Variants in CSMD2 observed in about 807,000 individuals in gnomAD.
CSMD2 encodes the protein CUB and sushi domain-containing protein 2.
CSMD2 carries 130 observed loss-of-function variants against 398.5 expected under a neutral mutation model. The observed-to-expected ratio is 0.33, with a 90% CI of 0.28 to 0.38. The LOEUF is 0.38. Ranked by LOEUF, CSMD2 falls within the 10% of genes least tolerant of loss-of-function variation. The probability of loss-of-function intolerance (pLI) is 1.00; values close to 1 mark genes in which losing one functional copy is unlikely to be tolerated. For missense variants in CSMD2, 3,829 were observed against 4,764.9 expected (o/e 0.80, Z 5.78); for synonymous variants, 1,828 against 1,908.5 (o/e 0.96, Z 1.10).
intron 6 of CSMD2, among the ~76,000 whole-genome samples, chr1:33,833,181 G>T (rs572708315): frequency 1.6e-5 from 2 of 124,734 alleles, no homozygotes; most frequent in African/African-American, 6.6e-5. Context: ...TACCAAAGCC[G>T]GGCAGAGACA....
chr1:33,784,196 G>A (rs546107258), intron 12 of CSMD2, among the ~76,000 whole-genome samples: 31 of 152,360 alleles, frequency 2.0e-4, no homozygotes, highest in Non-Finnish European at 1.3e-4. Context: ...TAAGAGGACT[G>A]AAGGCTGAGG....
chr1:33,601,715 C>T (rs1476473504), intron 43 of CSMD2, among the ~76,000 whole-genome samples: 1 of 152,206 alleles, frequency 6.6e-6, no homozygotes, highest in Admixed American at 6.5e-5. Flanking sequence ...AATTTGTATT[C>T]CCAATGTAAA....
Position 33,586,614 on chromosome 1 carries a change from T to A in CSMD2, c.6941A>T (p.Asp2314Val). Residue 2314 changes from aspartate (D) to valine (V), a missense_variant, in exon 46 of 71, where the codon GAC becomes GTC. Around this residue, in one of 5 missense-constraint regions of CSMD2, gnomAD observed 723 missense variants for 758.6 expected, o/e 0.95. Transcript: ENST00000373381. ...VTENEEFNIG[D>V]IVRYRCLPGF... is the part of the protein sequence containing the mutation. ...AGGGAGGCATCTGTAGCGTACGATG[T>A]CACCTGTCAAAGAAAGACCAACATG... 1.2e-6 allele frequency: 2 copies of A among 1,606,836 alleles called. No individual in the cohort carries two copies. Among genetic ancestry groups the A allele is most frequent in the Non-Finnish European group, 1.7e-6 (2 of 1,173,608 alleles).
chr1:33,873,145 C>A (rs572907821), intron 5 of CSMD2, among the ~76,000 whole-genome samples: 1 of 152,300 alleles, frequency 6.6e-6, no homozygotes, highest in African/African-American at 2.4e-5. Context: ...TACCCAAGAG[C>A]CTCATCCACA....
At chr1:33,832,064 G>C (rs534011712) in intron 6 of CSMD2, among the ~76,000 whole-genome samples, 47 of 147,462 alleles carry the variant, frequency 3.2e-4, no homozygotes, top group African/African-American at 1.2e-3. Flanking sequence ...ATAATAATGG[G>C]AGACTTTAAC....
intron 12 of CSMD2, among the ~76,000 whole-genome samples, chr1:33,775,077 A>G (rs1203364235): frequency 6.6e-6 from 1 of 152,248 alleles, no homozygotes; most frequent in Non-Finnish European, 1.5e-5. Flanking sequence ...TAGGGTGTGG[A>G]GAATGGAAGT....
chr1:34,111,226 A>T (rs576558654), intron 1 of CSMD2, among the ~76,000 whole-genome samples: 1 of 152,228 alleles, frequency 6.6e-6, no homozygotes, highest in South Asian at 2.1e-4. Flanking sequence ...TTACAAAAGT[A>T]CAATTCATAT....
At chr1:33,886,258 G>A (rs920725766) in intron 5 of CSMD2, among the ~76,000 whole-genome samples, 1 of 152,096 alleles carries the variant, frequency 6.6e-6, no homozygotes, top group African/African-American at 2.4e-5. Context: ...GGTTTAGAAA[G>A]GTCACACTGG....
intron 6 of CSMD2, among the ~76,000 whole-genome samples, chr1:33,846,173 T>C (rs1466575418): frequency 6.6e-6 from 1 of 152,228 alleles, no homozygotes; most frequent in African/African-American, 2.4e-5. Context: ...GACAGCTCCT[T>C]GCTTCTGGGT....
intron 2 of CSMD2, among the ~76,000 whole-genome samples, chr1:34,051,431 G>A (rs1297389233): frequency 6.6e-6 from 1 of 151,974 alleles, no homozygotes; most frequent in African/African-American, 2.4e-5. Context: ...GTGTTTGCAT[G>A]TGTATATAAG....
intron 1 of CSMD2, among the ~76,000 whole-genome samples, chr1:34,121,029 G>A (rs554224434): frequency 5.9e-5 from 9 of 152,212 alleles, no homozygotes; most frequent in Non-Finnish European, 1.2e-4. Flanking sequence ...AACCAGACAT[G>A]CAGACTCCCA....
At chr1:33,728,052 C>T (rs545192588) in intron 15 of CSMD2, among the ~76,000 whole-genome samples, 13 of 152,268 alleles carry the variant, frequency 8.5e-5, no homozygotes, top group East Asian at 7.7e-4. Flanking sequence ...CTGAGGCTTA[C>T]GGAGGTTGAG....
At chr1:33,816,566 G>T (rs76531509) in intron 9 of CSMD2, among the ~76,000 whole-genome samples, 3,846 of 152,304 alleles carry the variant, frequency 0.025, 163 homozygotes, top group African/African-American at 0.088. Flanking sequence ...GGCTCCATAT[G>T]TAAAATAAGT....
intron 26 of CSMD2, 95 bp from the exon 27 acceptor site, chr1:33,658,232 G>T: frequency 9.4e-7 from 1 of 1,065,950 alleles, no homozygotes; most frequent in Non-Finnish European, 1.4e-6. Flanking sequence ...GCCATCATCC[G>T]TGCATTGCCA....
intron 3 of CSMD2, among the ~76,000 whole-genome samples, chr1:33,987,290 A>T (rs1425624827): frequency 6.6e-6 from 1 of 152,176 alleles, no homozygotes; most frequent in Non-Finnish European, 1.5e-5. Flanking sequence ...ACTAACATTT[A>T]CCAATCACAT....
At chr1:33,799,134 A>G (rs1257674683) in intron 10 of CSMD2, among the ~76,000 whole-genome samples, 2 of 152,222 alleles carry the variant, frequency 1.3e-5, no homozygotes, top group East Asian at 1.9e-4. Flanking sequence ...AATCTGTCCT[A>G]TAGCCTATTT....
intron 5 of CSMD2, among the ~76,000 whole-genome samples, chr1:33,873,112 T>C (rs1640592079): frequency 6.6e-6 from 1 of 152,214 alleles, no homozygotes; most frequent in South Asian, 2.1e-4. Context: ...AACAGTATTC[T>C]AGAACTTGTA....
At position 33,583,764 on chromosome 1, in the gene CSMD2, C is replaced by G; in HGVS notation, c.7118G>C (p.Gly2373Ala). The change falls in exon 47 of 71, where the codon GGA becomes GCA. Residue 2373 changes from glycine to alanine, a missense_variant. By Grantham distance (60) the Gly-to-Ala change is moderately conservative. Coordinates refer to ENST00000373381, the MANE Select transcript of CSMD2 (RefSeq NM_001281956.2). ...TGVILSQSYP[G>A]SYPQFQTCSW... ...GCAGGTCTGGAACTGGGGATAGCTT[C>G]CAGGGTAGCTCTGGCTCAGGATCAC... 1.2e-6 allele frequency: 2 copies of G among 1,614,176 alleles called. No homozygotes were observed. Among genetic ancestry groups the G allele is most frequent in the Non-Finnish European group, 1.7e-6 (2 of 1,180,038 alleles).
At chr1:33,981,894 A>G (rs1192676112) in intron 3 of CSMD2, among the ~76,000 whole-genome samples, 1 of 152,184 alleles carries the variant, frequency 6.6e-6, no homozygotes, top group Non-Finnish European at 1.5e-5. Context: ...TCCCCTGTGC[A>G]GATGCTTCAG....
Sources: allele counts gnomAD v4.1 joint callset (sites outside exome capture counted in the v4.1 genomes callset), GRCh38; gene constraint gnomAD v4.1.1; regional missense constraint gnomAD v4.1.1; transcripts MANE v1.5; gene names NCBI Gene and HGNC (gene_info 2026-07-23, HGNC 2026-07-21).